Variants in NOTCH2NLA observed in about 807,000 individuals in gnomAD.
NOTCH2NLA encodes notch homolog 2 N-terminal-like protein A.
chr1:146,161,962 A>C lies in NOTCH2NLA; in HGVS notation c.298+2789T>G, dbSNP rs868976104. 2.0e-5 allele frequency among the ~76,000 whole-genome samples: 2 copies of C among 99,282 alleles called. 1 individual carries two copies. The highest frequency in any genetic ancestry group is 1.1e-4 in the African/African-American group (2 of 18,672). The allele number at this position is 99,282 out of a possible 152,430, so 65.1% of individuals were successfully genotyped here. A position where few individuals can be genotyped will look rare whatever the true frequency, so the allele number is the denominator to read the frequency against. ...GGCCTCTCCATCAGGAAAAAAAAAA[A>C]CACAACCTGCTGAGGTGTTTGCTGA... On this transcript the variant is annotated intron_variant, in intron 3 of 4. Transcript: ENST00000362074.
intron 1 of NOTCH2NLA, among the ~76,000 whole-genome samples, chr1:146,228,018 A>AT (rs1664284915): frequency 9.3e-6 from 1 of 107,368 alleles, no homozygotes; most frequent in Non-Finnish European, 1.9e-5. Flanking sequence ...AGCAGTTGAG[A>AT]TTTTTAAATC....
At chr1:146,159,451 A>AAGAAAG (rs1661375425) in intron 3 of NOTCH2NLA, among the ~76,000 whole-genome samples, 6 of 138,540 alleles carry the variant, frequency 4.3e-5, no homozygotes, top group South Asian at 2.4e-4. Context: ...AAGAAAGAGA[A>AAGAAAG]AGAAAGAAAG....
chr1:146,186,905 G>C lies in NOTCH2NLA; in HGVS notation c.38+2395C>G, dbSNP rs1479177416. Among the ~76,000 whole-genome samples, 5 of 135,362 alleles carry C rather than the reference G, an allele frequency of 3.7e-5. 1 individual carries two copies. Among genetic ancestry groups the C allele is most frequent in the Non-Finnish European group, 8.6e-5 (5 of 58,456 alleles). 88.8% of individuals were successfully genotyped at this position (135,362 alleles called of 152,430 possible). A position where few individuals can be genotyped will look rare whatever the true frequency, so the allele number is the denominator to read the frequency against. On this transcript the variant is annotated intron_variant, in intron 2 of 4. Transcript: ENST00000362074. ...TTTTAAGTTTTGGGATACATGTGCA[G>C]AATGTGCAGGTTTGTTTCATAGGCA... is the stretch of plus-strand genomic sequence containing the variant.
At chr1:146,188,031 C>G (rs1553810632) in intron 2 of NOTCH2NLA, among the ~76,000 whole-genome samples, 1 of 131,262 alleles carries the variant, frequency 7.6e-6, no homozygotes, top group East Asian at 2.1e-4. Context: ...TTGTTTATAA[C>G]ATTAAAAAAC....
intron 2 of NOTCH2NLA, among the ~76,000 whole-genome samples, chr1:146,185,816 A>G (rs1314161077): frequency 7.4e-6 from 1 of 135,256 alleles, no homozygotes; most frequent in Non-Finnish European, 1.7e-5. Context: ...GCATGAATAA[A>G]AAGATAATCA....
At position 146,180,739 on chromosome 1, in the gene NOTCH2NLA, C is replaced by T. The variant is rs1167784299; in HGVS notation, c.38+8561G>A. ...AGACACTAAACTTCATTCCTAACTA[C>T]TGTATGTTGAGAGGAGGCCTAATGA... On this transcript the variant is annotated intron_variant, in intron 2 of 4. Coordinates refer to ENST00000362074, the Ensembl canonical transcript of NOTCH2NLA. Among the ~76,000 whole-genome samples the T allele has an allele frequency of 4.3e-5, 6 of 140,606 alleles. 2 individuals are homozygous for T. The highest frequency in any genetic ancestry group is 1.2e-4 in the African/African-American group (5 of 40,796). The allele number at this position is 140,606 out of a possible 152,430, so 92.2% of individuals were successfully genotyped here.
At chr1:146,200,437 AAATAT>A (rs1384444189) in intron 1 of NOTCH2NLA, among the ~76,000 whole-genome samples, 3 of 22,760 alleles carry the variant, frequency 1.3e-4, no homozygotes, top group Admixed American at 5.0e-4. Flanking sequence ...AAAAAAAAAA[AAATAT>A]ATATATATAT....
At chr1:146,207,738 T>C (rs1663656541) in intron 1 of NOTCH2NLA, among the ~76,000 whole-genome samples, 1 of 80,782 alleles carries the variant, frequency 1.2e-5, no homozygotes, top group African/African-American at 4.3e-5. Context: ...GGTCATGATC[T>C]GCAGTTTAAA....
At chr1:146,219,702 C>T (rs1368127669) in intron 1 of NOTCH2NLA, among the ~76,000 whole-genome samples, 1 of 89,998 alleles carries the variant, frequency 1.1e-5, no homozygotes, top group Non-Finnish European at 2.0e-5. Flanking sequence ...TACCACTTAT[C>T]AAATGGTAAA....
intron 2 of NOTCH2NLA, among the ~76,000 whole-genome samples, chr1:146,174,294 C>T (rs1314741379): frequency 4.0e-4 from 54 of 135,096 alleles, no homozygotes; most frequent in African/African-American, 1.4e-3. Context: ...GCCCCTTTTC[C>T]AAATAAAAGC....
chr1:146,153,012 C>CA, downstream of NOTCH2NLA: 1 of 65,406 alleles, frequency 1.5e-5, no homozygotes, highest in Non-Finnish European at 3.0e-5. Context: ...TTCACTGACT[C>CA]AGAGTTGAAA....
intron 3 of NOTCH2NLA, among the ~76,000 whole-genome samples, chr1:146,159,429 A>AAG (rs1661365091): frequency 6.7e-6 from 1 of 150,264 alleles, no homozygotes; most frequent in African/African-American, 2.5e-5. Flanking sequence ...GAAAGAAAGA[A>AAG]AGAAAGAAAG....
downstream of NOTCH2NLA, chr1:146,152,952 G>GA (rs1300558707): frequency 7.0e-6 from 1 of 142,440 alleles, no homozygotes; most frequent in Non-Finnish European, 1.5e-5. Context: ...CCTTTGCAGG[G>GA]AAAAAATTGT....
intron 3 of NOTCH2NLA, among the ~76,000 whole-genome samples, chr1:146,159,401 A>G (rs1243384770): frequency 1.8e-5 from 2 of 110,720 alleles, no homozygotes; most frequent in Admixed American, 1.9e-4. Context: ...GAGAGAAAGA[A>G]AGAAAGAAAG....
intron 1 of NOTCH2NLA, among the ~76,000 whole-genome samples, chr1:146,209,866 GTT>G (rs1553815771): frequency 9.4e-6 from 1 of 106,226 alleles, no homozygotes; most frequent in African/African-American, 3.1e-5. Context: ...ACATAGAAGT[GTT>G]TTGCAAACTA....
intron 1 of NOTCH2NLA, among the ~76,000 whole-genome samples, chr1:146,219,793 A>G: frequency 3.0e-5 from 1 of 33,070 alleles, no homozygotes; most frequent in Non-Finnish European, 5.7e-5. Flanking sequence ...CTGTTCATAA[A>G]CTAAAAAAAA....
intron 3 of NOTCH2NLA, among the ~76,000 whole-genome samples, chr1:146,159,148 A>G (rs1423709289): frequency 2.0e-5 from 3 of 152,118 alleles, no homozygotes; most frequent in Non-Finnish European, 2.9e-5. Context: ...ACTTGTGGTT[A>G]GGAGTTTGAG....
intron 1 of NOTCH2NLA, among the ~76,000 whole-genome samples, chr1:146,219,491 T>C (rs1553817719): frequency 9.2e-6 from 1 of 108,498 alleles, no homozygotes; most frequent in Non-Finnish European, 1.8e-5. Context: ...TTTCCATACA[T>C]ATTGTGACAT....
chr1:146,219,390 C>A (rs1267434116), intron 1 of NOTCH2NLA, among the ~76,000 whole-genome samples: 3 of 101,952 alleles, frequency 2.9e-5, no homozygotes, highest in Admixed American at 1.1e-4. Context: ...TCATTAGAAA[C>A]CAAAGGATTA....
Sources: allele counts gnomAD v4.1 joint callset (sites outside exome capture counted in the v4.1 genomes callset), GRCh38; gene constraint gnomAD v4.1.1; transcripts MANE v1.5; gene names NCBI Gene and HGNC (gene_info 2026-07-23, HGNC 2026-07-21).